The following DNAAF4 variants were observed in gnomAD, a reference collection of about 807,000 sequenced individuals.
DNAAF4 encodes the protein dynein axonemal assembly factor 4.
A neutral mutation model predicts 51.8 loss-of-function variants in DNAAF4; 43 were observed. The ratio of observed to expected loss-of-function variants is 0.83; its 90% CI spans 0.65 to 1.07. The LOEUF is 1.07. Among genes scored for constraint, DNAAF4 ranks in the 50% least tolerant of loss-of-function variants. The pLI, the probability that DNAAF4 is intolerant of heterozygous loss-of-function variation, is 0.00. For missense variants in DNAAF4, 581 were observed against 493.0 expected, an observed-to-expected ratio of 1.18 and a Z score of -1.69; for synonymous variants, 194 against 165.6, an observed-to-expected ratio of 1.17 and a Z score of -1.32.
intron 7 of DNAAF4, among the ~76,000 whole-genome samples, chr15:55,435,677 G>A (rs2141412907): frequency 6.6e-6 from 1 of 152,206 alleles, no homozygotes; most frequent in South Asian, 2.1e-4. Context: ...TGGGTTTTTT[G>A]GTTACTTGCA....
rs553576156 is a variant in DNAAF4, at chr15:55,451,997, A to G, written c.638-1630T>C. ...CGCAGCGGCTCACACCTGTAATCCT[A>G]GCACTTCGGGATGCTGAGGCGGGTG... On this transcript the variant is annotated intron_variant, in intron 5 of 9. Coordinates refer to ENST00000321149, the MANE Select transcript of DNAAF4 (RefSeq NM_130810.4). Among the ~76,000 whole-genome samples the G allele has an allele frequency of 8.5e-5, 13 of 152,202 alleles. No individual in the cohort carries two copies. The South Asian group carries it at 2.5e-3, about 29-fold the overall frequency.
At chr15:55,499,852 A>G (rs916603898) in intron 1 of DNAAF4, among the ~76,000 whole-genome samples, 1 of 152,148 alleles carries the variant, frequency 6.6e-6, no homozygotes, top group African/African-American at 2.4e-5. Context: ...CCTATACACA[A>G]ACCATTTTCG....
chr15:55,435,695 T>C (rs2141412960), intron 7 of DNAAF4, among the ~76,000 whole-genome samples: 1 of 152,340 alleles, frequency 6.6e-6, no homozygotes, highest in South Asian at 2.1e-4. Context: ...GCAATGGATA[T>C]ACTCTTTCAG....
chr15:55,473,371 A>G (rs181832182), intron 4 of DNAAF4, among the ~76,000 whole-genome samples: 16 of 145,190 alleles, frequency 1.1e-4, no homozygotes, highest in Admixed American at 5.6e-4. Context: ...GTGTGTGTGT[A>G]TATATATATA....
In DNAAF4 at chr15:55,498,416, C is replaced by T. The variant is rs1164310122; in HGVS notation, c.-87G>A. The T allele has an allele frequency of 6.5e-7, 1 of 1,528,050 alleles. No homozygotes were observed. The highest frequency in any genetic ancestry group is 2.3e-5 in the East Asian group (1 of 42,614). The allele number at this position is 1,528,050 out of a possible 1,614,324, so 94.7% of individuals were successfully genotyped here. ...GGAAGCTGGGGTTACCATGCGCCAG[C>T]CCTTCCGGGTCAGGCCGGCCGGGAG... On this transcript the variant is annotated 5_prime_UTR_variant, in exon 2 of 10. Transcript: ENST00000321149.
intron 5 of DNAAF4, among the ~76,000 whole-genome samples, chr15:55,459,356 T>C (rs2141483699): frequency 6.6e-6 from 1 of 152,266 alleles, no homozygotes; most frequent in East Asian, 1.9e-4. Flanking sequence ...AAAGGAGTTC[T>C]AAATATTGAA....
Position 55,450,277 on chromosome 15 carries a change from G to A in DNAAF4, c.728C>T (p.Thr243Ile), listed in dbSNP as rs955624614. The A allele has an allele frequency of 1.9e-6, 3 of 1,613,952 alleles. No individual in the cohort carries two copies. Among genetic ancestry groups the A allele is most frequent in the South Asian group, 1.1e-5 (1 of 91,064 alleles). ...AAGAGCTGTTGGGAATACTCGAGGG[G>A]TAAAGTTGATTTTAATACTGCCAAC... ...RSVGSIKINF[T>I]PRVFPTALRE... Residue 243 changes from threonine to isoleucine, a missense_variant, in exon 6 of 10, where the codon ACC becomes ATC. Transcript: ENST00000321149.
At chr15:55,490,756 A>G (rs2141585245) in intron 4 of DNAAF4, among the ~76,000 whole-genome samples, 1 of 152,236 alleles carries the variant, frequency 6.6e-6, no homozygotes, top group East Asian at 1.9e-4. Context: ...GATCGAGACC[A>G]TCCCGGCTAA....
intron 1 of DNAAF4, among the ~76,000 whole-genome samples, chr15:55,499,210 T>A (rs1411734092): frequency 6.6e-6 from 1 of 152,116 alleles, no homozygotes; most frequent in Non-Finnish European, 1.5e-5. Context: ...GGGTCTAAAT[T>A]TAAAATAGAG....
chr15:55,425,519 G>A (rs1021205305), downstream of DNAAF4, among the ~76,000 whole-genome samples: 2 of 152,026 alleles, frequency 1.3e-5, no homozygotes, highest in Non-Finnish European at 2.9e-5. Flanking sequence ...GGAATGAAAA[G>A]AACTAAGCCT....
At chr15:55,451,338 A>G (rs2057929192) in intron 5 of DNAAF4, among the ~76,000 whole-genome samples, 2 of 152,172 alleles carry the variant, frequency 1.3e-5, no homozygotes, top group Non-Finnish European at 2.9e-5. Flanking sequence ...TTGGGGCTTT[A>G]TTTTACAATG....
At position 55,439,553 on chromosome 15, in the gene DNAAF4, C is replaced by T; in HGVS notation, c.812G>A (p.Arg271Lys). The T allele has an allele frequency of 6.2e-7, 1 of 1,614,000 alleles. No homozygotes were observed. Among genetic ancestry groups the T allele is most frequent in the Non-Finnish European group, 8.5e-7 (1 of 1,179,968 alleles). The change falls in exon 7 of 10, where the codon AGA (arginine) becomes AAA (lysine). Residue 271 changes from arginine to lysine, a missense_variant. Physicochemically the swap from Arg to Lys is conservative, Grantham distance 26. Coordinates refer to ENST00000321149, the MANE Select transcript of DNAAF4 (RefSeq NM_130810.4). Reference sequence around the variant, plus strand: ...TTCAGCTATGTCAGTATTCATTGCTCTTCGTGCCTCAGCTTGTTTGTGTAG... The same window carrying T: ...TTCAGCTATGTCAGTATTCATTGCTTTTCGTGCCTCAGCTTGTTTGTGTAG... ...EWLHKQAEARRAMNTDIAELC... is the reference protein window; with the variant it reads ...EWLHKQAEARKAMNTDIAELC...
At chr15:55,465,470 A>G (rs955693134) in intron 5 of DNAAF4, among the ~76,000 whole-genome samples, 1 of 152,072 alleles carries the variant, frequency 6.6e-6, no homozygotes, top group African/African-American at 2.4e-5. Flanking sequence ...AAAGGAATAA[A>G]ATAATGGCAT....
intron 6 of DNAAF4, among the ~76,000 whole-genome samples, chr15:55,445,847 G>A (rs1395135973): frequency 3.5e-4 from 49 of 141,120 alleles, no homozygotes; most frequent in Admixed American, 4.2e-4. Context: ...CATCCCAGAC[G>A]GGGCAGCCGG....
chr15:55,483,754 T>C (rs1009809132), intron 4 of DNAAF4, among the ~76,000 whole-genome samples: 2 of 145,820 alleles, frequency 1.4e-5, no homozygotes, highest in African/African-American at 5.0e-5. Context: ...CTCGGATTCC[T>C]GACCTCAAGC....
In DNAAF4 at chr15:55,430,323, T is replaced by G. The variant is rs1381717918; in HGVS notation, c.*347A>C. ...CAAACAAAAGTTATTTATAAATCTT[T>G]TATTTTAAAATTCTACCTTGTTAAA... On this transcript the variant is annotated 3_prime_UTR_variant, in exon 10 of 10. Coordinates refer to ENST00000321149, the MANE Select transcript of DNAAF4 (RefSeq NM_130810.4). 7 of 889,156 alleles carry G rather than the reference T, an allele frequency of 7.9e-6. No individual in the cohort carries two copies. The highest frequency in any genetic ancestry group is 8.1e-6 in the Non-Finnish European group (6 of 741,934). 55.1% of individuals were successfully genotyped at this position (889,156 alleles called of 1,614,324 possible).
At chr15:55,443,586 G>A (rs2057750187) in intron 6 of DNAAF4, among the ~76,000 whole-genome samples, 1 of 152,188 alleles carries the variant, frequency 6.6e-6, no homozygotes, top group Non-Finnish European at 1.5e-5. Context: ...TGGGTCAAAT[G>A]GTATTTCTAG....
chr15:55,430,720 C>G lies in DNAAF4; in HGVS notation c.1213G>C (p.Asp405His). ...IDPSNKIVQI[D>H]AEKIRNVIQG... ...ATTACATTCCGAATCTTCTCAGCAT[C>G]AATTTGTACAATTTTGTTGGATGGA... Residue 405 changes from aspartate to histidine, a missense_variant, in exon 10 of 10, where the codon GAT (aspartate) becomes CAT (histidine). By Grantham distance (81) the Asp-to-His change is moderately conservative. Transcript: ENST00000321149. The G allele has an allele frequency of 1.2e-6, 2 of 1,613,406 alleles. No individual in the cohort carries two copies. The highest frequency in any genetic ancestry group is 1.7e-6 in the Non-Finnish European group (2 of 1,179,630).
chr15:55,448,635 C>T (rs939654104), intron 6 of DNAAF4, among the ~76,000 whole-genome samples: 4 of 150,658 alleles, frequency 2.7e-5, no homozygotes, highest in South Asian at 2.1e-4. Context: ...TTTGGGAGGC[C>T]GAGGTGGGTG....
Sources: allele counts gnomAD v4.1 joint callset (sites outside exome capture counted in the v4.1 genomes callset), GRCh38; gene constraint gnomAD v4.1.1; transcripts MANE v1.5; gene names NCBI Gene and HGNC (gene_info 2026-07-23, HGNC 2026-07-21).